The following ANK1 variants were observed in gnomAD, a reference collection of about 807,000 sequenced individuals.
ANK1 encodes the protein ankyrin-1.
ANK1 carries 51 observed loss-of-function variants against 210.4 expected under a neutral mutation model. That is an observed-to-expected ratio of 0.24 (90% CI 0.19 to 0.31). The LOEUF (loss-of-function observed/expected upper bound fraction) is 0.31. Among genes scored for constraint, ANK1 ranks in the 10% least tolerant of loss-of-function variants. The probability of loss-of-function intolerance (pLI) is 1.00; values close to 1 mark genes in which losing one functional copy is unlikely to be tolerated. For missense variants in ANK1, 2,051 were observed against 2,504.4 expected, an observed-to-expected ratio of 0.82 and a Z score of 3.86; for synonymous variants, 967 against 1,025.9, an observed-to-expected ratio of 0.94 and a Z score of 1.10.
chr8:41,861,226 C>T (rs956721797), intron 1 of ANK1, among the ~76,000 whole-genome samples: 5 of 152,120 alleles, frequency 3.3e-5, no homozygotes, highest in African/African-American at 1.2e-4. Context: ...ATTCAGGGGT[C>T]GCTGATGAGC....
chr8:41,763,714 C>T (rs1840988948), intron 1 of ANK1, among the ~76,000 whole-genome samples: 1 of 152,096 alleles, frequency 6.6e-6, no homozygotes, highest in Non-Finnish European at 1.5e-5. Context: ...GCACTCTATT[C>T]AGACCAAGAC....
intron 42 of ANK1, among the ~76,000 whole-genome samples, chr8:41,657,383 G>C (rs1226518250): frequency 2.0e-5 from 3 of 152,180 alleles, no homozygotes; most frequent in Admixed American, 2.0e-4. Flanking sequence ...ACCCATTAGA[G>C]AGGTGTGATG....
At chr8:41,880,874 G>A (rs1194870642) in intron 1 of ANK1, among the ~76,000 whole-genome samples, 5 of 152,212 alleles carry the variant, frequency 3.3e-5, no homozygotes, top group South Asian at 2.1e-4. Flanking sequence ...TCCCATTATC[G>A]CAGGCTCTGC....
At chr8:41,783,959 G>C (rs900140458) in intron 1 of ANK1, among the ~76,000 whole-genome samples, 1 of 151,764 alleles carries the variant, frequency 6.6e-6, no homozygotes, top group African/African-American at 2.4e-5. Context: ...AGCTACAGGA[G>C]AATCACTTGA....
At chr8:41,755,863 G>T (rs1445986291) in intron 2 of ANK1, among the ~76,000 whole-genome samples, 3 of 152,170 alleles carry the variant, frequency 2.0e-5, no homozygotes, top group Non-Finnish European at 4.4e-5. Flanking sequence ...GGCATTTCTG[G>T]GTGGAGGGAT....
At position 41,733,973 on chromosome 8, in the gene ANK1, T is replaced by C; in HGVS notation, c.226A>G (p.Lys76Glu). ...HKEIILETTT[K>E]KGNTALHIAA... ...CCCCCACTCCCTGTGAGACATACCT[T>C]GGTTGTCGTTTCTAGAATGATTTCT... Residue 76 changes from lysine to glutamate, a missense_variant and splice_region_variant, in exon 3 of 43, where the codon AAG (lysine) becomes GAG (glutamate). Coordinates refer to ENST00000289734, the MANE Select transcript of ANK1 (RefSeq NM_000037.4). 1 of 1,614,036 alleles carries C rather than the reference T, an allele frequency of 6.2e-7. No homozygotes were observed. The highest frequency in any genetic ancestry group is 8.5e-7 in the Non-Finnish European group (1 of 1,179,864).
At chr8:41,885,687 A>C (rs1033794189) in intron 1 of ANK1, among the ~76,000 whole-genome samples, 2 of 152,232 alleles carry the variant, frequency 1.3e-5, no homozygotes, top group African/African-American at 4.8e-5. Flanking sequence ...GCAGGGAAAC[A>C]GTCTCCTCTC....
chr8:41,890,749 G>GA (rs958817232), intron 1 of ANK1, among the ~76,000 whole-genome samples: 4 of 149,124 alleles, frequency 2.7e-5, no homozygotes, highest in East Asian at 2.0e-4. Flanking sequence ...AAGAAAAGAA[G>GA]AAAAAAACAG....
chr8:41,689,266 G>A (rs935955981), intron 33 of ANK1, among the ~76,000 whole-genome samples: 4 of 151,692 alleles, frequency 2.6e-5, no homozygotes, highest in African/African-American at 7.3e-5. Context: ...AGGACTACAG[G>A]TGCATGCCAC....
intron 20 of ANK1, 27 bp from the exon 21 acceptor site, chr8:41,702,171 T>C (rs774216978): frequency 6.3e-7 from 1 of 1,592,188 alleles, no homozygotes; most frequent in African/African-American, 1.3e-5. Flanking sequence ...CCGGGTGCAG[T>C]CAGACAGGGG....
At chr8:41,847,246 C>T (rs1454664844) in intron 1 of ANK1, among the ~76,000 whole-genome samples, 1 of 152,224 alleles carries the variant, frequency 6.6e-6, no homozygotes, top group Non-Finnish European at 1.5e-5. Context: ...TTCCAGGCGG[C>T]TGTTGTCCAA....
intron 1 of ANK1, among the ~76,000 whole-genome samples, chr8:41,836,462 C>T (rs551932927): frequency 6.6e-6 from 1 of 152,226 alleles, no homozygotes; most frequent in African/African-American, 2.4e-5. Context: ...TGAGCACAGC[C>T]GTGCTGGGCC....
chr8:41,693,611 T>C (rs770641403), intron 29 of ANK1, among the ~76,000 whole-genome samples: 16 of 152,112 alleles, frequency 1.1e-4, no homozygotes, highest in Admixed American at 3.9e-4. Context: ...CTAAGTTTTG[T>C]ATTTTTAGTA....
At chr8:41,896,602 G>A (rs1587680106) in exon 1 of ANK1, 4 of 1,276,830 alleles carry the variant, frequency 3.1e-6, no homozygotes, top group Non-Finnish European at 2.0e-6. Flanking sequence ...CGTTCGTGGC[G>A]CCCCGAGGGC....
chr8:41,830,002 C>T (rs928467939), intron 1 of ANK1: 1 of 151,038 alleles, frequency 6.6e-6, no homozygotes, highest in South Asian at 2.1e-4. Flanking sequence ...GAGGTCTCCT[C>T]TCTTTGCCTA....
At chr8:41,698,153 G>C (rs1821630497) in intron 23 of ANK1, 32 bp from the exon 24 acceptor site, 1 of 1,607,744 alleles carries the variant, frequency 6.2e-7, no homozygotes. Context: ...ACATCACAGG[G>C]CTGATCCACA....
At position 41,797,491 on chromosome 8, in the gene ANK1, G is replaced by A. The variant is rs2150771526; in HGVS notation, c.27+21C>T. On this transcript the variant is annotated intron_variant, in intron 1 of 42. Coordinates refer to ENST00000289734, the MANE Select transcript of ANK1 (RefSeq NM_000037.4). This position sits in a 1 kb window ranked among gnomAD's most constrained non-coding sequence, Gnocchi z 4.0. ...CCTCCTGACATCTCCCCGTCCACCC[G>A]AGCAGCCGCCCAGTACTCACTTCGC... The A allele has an allele frequency of 2.5e-6, 4 of 1,610,530 alleles. No homozygotes were observed. The highest frequency in any genetic ancestry group is 3.4e-6 in the Non-Finnish European group (4 of 1,177,294).
Position 41,704,259 on chromosome 8 carries a change from T to C in ANK1, c.2196+115A>G. The C allele has an allele frequency of 7.3e-7, 1 of 1,376,416 alleles. No homozygotes were observed. The highest frequency in any genetic ancestry group is 1.2e-5 in the South Asian group (1 of 85,534). 85.3% of individuals were successfully genotyped at this position (1,376,416 alleles called of 1,614,324 possible). A position where few individuals can be genotyped will look rare whatever the true frequency, so the allele number is the denominator to read the frequency against. ...ATTAATGAAATGCATTTTCCCCCTT[T>C]CTTCCTTCAGGGTCCATGGTCAAAA... On this transcript the variant is annotated intron_variant, in intron 19 of 42. Coordinates refer to ENST00000289734, the MANE Select transcript of ANK1 (RefSeq NM_000037.4). The surrounding 1 kb of genome is among the most constrained non-coding windows in gnomAD (Gnocchi z 4.1).
chr8:41,673,106 CAGGCAAGAGAAGCA>C (rs1812985724), intron 37 of ANK1, among the ~76,000 whole-genome samples, 194 bp from the exon 38 acceptor site: 1 of 152,160 alleles, frequency 6.6e-6, no homozygotes, highest in Non-Finnish European at 1.5e-5. Context: ...CCTGGGCATC[CAGGCAAGAGAAGCA>C]AGGCTCTGAA....
Sources: allele counts gnomAD v4.1 joint callset (sites outside exome capture counted in the v4.1 genomes callset), GRCh38; gene constraint gnomAD v4.1.1; non-coding constraint Gnocchi (gnomAD v3.1); transcripts MANE v1.5; gene names NCBI Gene and HGNC (gene_info 2026-07-23, HGNC 2026-07-21).